Variants in PTH2R observed in about 807,000 individuals in gnomAD.
PTH2R encodes the protein parathyroid hormone 2 receptor.
Under a neutral mutation model 60.3 loss-of-function variants are expected in PTH2R, and 59 were observed. The ratio of observed to expected loss-of-function variants is 0.98; its 90% CI spans 0.79 to 1.22. The LOEUF (loss-of-function observed/expected upper bound fraction) is 1.22. PTH2R is among the 50% of genes most tolerant of loss of function. The pLI is 0.00. For missense variants in PTH2R, 749 were observed against 682.6 expected (o/e 1.10, Z -1.08); for synonymous variants, 256 against 243.8 (o/e 1.05, Z -0.47).
At chr2:208,447,369 A>C (rs1453226293) in intron 7 of PTH2R, among the ~76,000 whole-genome samples, 1 of 151,992 alleles carries the variant, frequency 6.6e-6, no homozygotes, top group Non-Finnish European at 1.5e-5. Flanking sequence ...CGGGCGGATC[A>C]TGAGGTCAGG....
chr2:208,391,942 C>T (rs1252831444), intron 1 of PTH2R, among the ~76,000 whole-genome samples: 1 of 152,154 alleles, frequency 6.6e-6, no homozygotes, highest in African/African-American at 2.4e-5. Flanking sequence ...ACTGCAAGAC[C>T]CTAACTTGAG....
At chr2:208,474,897 T>C (rs560954459) in intron 9 of PTH2R, among the ~76,000 whole-genome samples, 40 of 152,316 alleles carry the variant, frequency 2.6e-4, no homozygotes, top group African/African-American at 8.9e-4. Flanking sequence ...GAGACTGTAC[T>C]CTTGATGCAA....
At chr2:208,370,765 T>C (rs983025154) in intron 1 of PTH2R, among the ~76,000 whole-genome samples, 1 of 152,066 alleles carries the variant, frequency 6.6e-6, no homozygotes, top group African/African-American at 2.4e-5. Context: ...CCCCAATTTA[T>C]ACCCACCTGT....
rs1490834552 is a variant in PTH2R at position 208,407,070 on chromosome 2, C to G, written c.27C>G (p.His9Gln). Reference sequence around the variant, plus strand: ...TGGCCGGGCTGGGGGCGTCGCTCCACGTCTGGGGTTGGCTAATGCTCGGCA... The same window carrying G: ...TGGCCGGGCTGGGGGCGTCGCTCCAGGTCTGGGGTTGGCTAATGCTCGGCA... The part of the protein sequence containing the change: MAGLGASL[H>Q]VWGWLMLGSC... The change falls in exon 1 of 13, where the codon CAC becomes CAG. Residue 9 changes from histidine to glutamine, a missense_variant. By Grantham distance (24) the His-to-Gln change is conservative. Coordinates refer to ENST00000272847, the MANE Select transcript of PTH2R (RefSeq NM_005048.4). 2.8e-5 allele frequency: 39 copies of G among 1,395,214 alleles called. No homozygotes were observed. Among genetic ancestry groups the G allele is most frequent in the Non-Finnish European group, 3.6e-5 (38 of 1,067,730 alleles). 86.4% of individuals were successfully genotyped at this position (1,395,214 alleles called of 1,614,324 possible). A position where few individuals can be genotyped will look rare whatever the true frequency, so the allele number is the denominator to read the frequency against.
At chr2:208,463,576 G>A (rs1702674913) in intron 9 of PTH2R, among the ~76,000 whole-genome samples, 2 of 152,088 alleles carry the variant, frequency 1.3e-5, no homozygotes, top group East Asian at 1.9e-4. Flanking sequence ...GATTACGAGA[G>A]TTAATCACTG....
intron 7 of PTH2R, among the ~76,000 whole-genome samples, chr2:208,445,699 C>G (rs911807233): frequency 3.3e-5 from 5 of 152,202 alleles, no homozygotes; most frequent in African/African-American, 1.2e-4. Flanking sequence ...TTTTTTTCCT[C>G]TCCAAAATAA....
At chr2:208,449,341 TTAGAA>T (rs1255240431) in intron 7 of PTH2R, among the ~76,000 whole-genome samples, 1 of 152,156 alleles carries the variant, frequency 6.6e-6, no homozygotes, top group Non-Finnish European at 1.5e-5. Context: ...AATATAAGTT[TTAGAA>T]AACAGGGATA....
chr2:208,360,012 C>T, exon 1 of PTH2R: 1 of 332,040 alleles, frequency 3.0e-6, no homozygotes, highest in Non-Finnish European at 6.0e-6. Flanking sequence ...TCTCCAGTCC[C>T]TATCCACCCA....
intron 1 of PTH2R, among the ~76,000 whole-genome samples, chr2:208,396,854 T>C (rs978410661): frequency 1.6e-4 from 24 of 152,246 alleles, no homozygotes; most frequent in East Asian, 1.9e-4. Flanking sequence ...GACACATGCA[T>C]ATGTATGTTT....
intron 1 of PTH2R, among the ~76,000 whole-genome samples, chr2:208,401,062 T>A (rs1367295021): frequency 6.6e-6 from 1 of 152,216 alleles, no homozygotes; most frequent in African/African-American, 2.4e-5. Flanking sequence ...TTGGTTGTAT[T>A]CCAGATATCA....
intron 1 of PTH2R, among the ~76,000 whole-genome samples, chr2:208,388,381 C>G (rs890543344): frequency 3.9e-5 from 6 of 152,106 alleles, no homozygotes; most frequent in Admixed American, 3.9e-4. Context: ...ACCAACAAAG[C>G]TATAATTACA....
At chr2:208,438,913 A>C (rs1702129738) in intron 4 of PTH2R, among the ~76,000 whole-genome samples, 1 of 152,156 alleles carries the variant, frequency 6.6e-6, no homozygotes, top group Non-Finnish European at 1.5e-5. Flanking sequence ...TTATCTGTTT[A>C]ATTGTTGAAA....
At chr2:208,457,708 C>T (rs1483797994) in intron 8 of PTH2R, among the ~76,000 whole-genome samples, 1 of 152,146 alleles carries the variant, frequency 6.6e-6, no homozygotes, top group African/African-American at 2.4e-5. Flanking sequence ...CAGAGGCAGA[C>T]AGGAACATGG....
At chr2:208,427,178 G>A (rs747371902) in intron 1 of PTH2R, among the ~76,000 whole-genome samples, 2 of 152,046 alleles carry the variant, frequency 1.3e-5, no homozygotes, top group Non-Finnish European at 2.9e-5. Flanking sequence ...ATGTTTTCTA[G>A]GATTGAAGTA....
intron 12 of PTH2R, 118 bp from the exon 13 acceptor site, chr2:208,493,146 T>C: frequency 1.7e-5 from 19 of 1,140,166 alleles, no homozygotes; most frequent in Non-Finnish European, 2.1e-5. Context: ...CCCTGGCACG[T>C]AGAGGAACCT....
chr2:208,477,980 C>CTACTACTAGTACTAGTACTACTAGT lies in PTH2R; in HGVS notation c.982-3090_982-3089insTACTACTAGTACTAGTACTACTAGT, dbSNP rs1559231947. Among the ~76,000 whole-genome samples the CTACTACTAGTACTAGTACTACTAGT allele has an allele frequency of 1.9e-3, 124 of 64,294 alleles. 1 individual carries two copies. The highest frequency in any genetic ancestry group is 8.9e-3 in the Middle Eastern group (1 of 112). The allele number at this position is 64,294 out of a possible 152,430, so 42.2% of individuals were successfully genotyped here. A position where few individuals can be genotyped will look rare whatever the true frequency, so the allele number is the denominator to read the frequency against. On this transcript the variant is annotated intron_variant, in intron 9 of 12. Coordinates refer to ENST00000272847, the MANE Select transcript of PTH2R (RefSeq NM_005048.4). ...CTACTACTAGTACTAGTACTACTAG[C>CTACTACTAGTACTAGTACTACTAGT]ACTACTACTAGTACTAGTACTACTA...
At chr2:208,397,154 G>C (rs1026865770) in intron 1 of PTH2R, among the ~76,000 whole-genome samples, 1 of 152,082 alleles carries the variant, frequency 6.6e-6, no homozygotes, top group Non-Finnish European at 1.5e-5. Flanking sequence ...GGCGCCTGTT[G>C]TGGGGTGGGA....
chr2:208,385,875 A>G (rs1700992506), intron 1 of PTH2R, among the ~76,000 whole-genome samples: 1 of 152,250 alleles, frequency 6.6e-6, no homozygotes, highest in Non-Finnish European at 1.5e-5. Context: ...AACTTCAAAG[A>G]GCGTTTTCAT....
chr2:208,440,782 A>G (rs1211010421), intron 4 of PTH2R, among the ~76,000 whole-genome samples: 1 of 152,256 alleles, frequency 6.6e-6, no homozygotes, highest in Admixed American at 6.5e-5. Context: ...GTAAGCTATA[A>G]TCCACCAGGC....
Sources: gnomAD v4.1 joint callset for allele counts (sites outside exome capture counted in the v4.1 genomes callset) on GRCh38, gnomAD v4.1.1 for gene constraint, MANE v1.5 for transcripts, NCBI Gene and HGNC (gene_info 2026-07-23, HGNC 2026-07-21) for gene names.